COL13A1: variants seen among roughly 807,000 people sequenced by gnomAD.
The protein encoded by COL13A1 is collagen type XIII alpha 1 chain.
COL13A1 carries 89 observed loss-of-function variants against 130.9 expected under a neutral mutation model. That is an observed-to-expected ratio of 0.68 (90% confidence interval 0.57 to 0.81). The LOEUF is 0.81. Ranked by LOEUF, COL13A1 falls within the 30% of genes least tolerant of loss-of-function variation. The pLI is 0.00. For missense variants in COL13A1, 879 were observed against 934.6 expected (o/e 0.94, Z 0.78); for synonymous variants, 402 against 341.6 (o/e 1.18, Z -1.95).
At chr10:69,885,148 G>C (rs2060485825) in intron 7 of COL13A1, among the ~76,000 whole-genome samples, 2 of 152,272 alleles carry the variant, frequency 1.3e-5, no homozygotes, top group East Asian at 1.9e-4. Context: ...ACTGGGGAAG[G>C]CCCTTTTAAA....
intron 24 of COL13A1, among the ~76,000 whole-genome samples, chr10:69,924,381 C>T (rs2065071439): frequency 6.6e-6 from 1 of 152,108 alleles, no homozygotes; most frequent in East Asian, 1.9e-4. Context: ...ACTGCTTTTT[C>T]ATTTATTCTC....
At chr10:69,956,763 C>A in intron 39 of COL13A1, 1 of 494,376 alleles carries the variant, frequency 2.0e-6, no homozygotes, top group Non-Finnish European at 3.7e-6. Flanking sequence ...CGGGCTAGGA[C>A]AGCCCCTATT....
At chr10:69,936,536 T>G (rs2066944558) in intron 32 of COL13A1, among the ~76,000 whole-genome samples, 1 of 152,146 alleles carries the variant, frequency 6.6e-6, no homozygotes, top group Non-Finnish European at 1.5e-5. Flanking sequence ...CACAGAGAGA[T>G]TTTCTGTGAG....
At chr10:69,901,382 C>A (rs1032995508) in intron 14 of COL13A1, among the ~76,000 whole-genome samples, 1 of 152,220 alleles carries the variant, frequency 6.6e-6, no homozygotes, top group Non-Finnish European at 1.5e-5. Context: ...TTGCTGAAAG[C>A]TTACATTTCT....
intron 2 of COL13A1, among the ~76,000 whole-genome samples, chr10:69,853,022 G>A (rs896146055): frequency 6.6e-6 from 1 of 152,170 alleles, no homozygotes; most frequent in African/African-American, 2.4e-5. Context: ...GGGAGCGGGG[G>A]GAGGTATGGG....
chr10:69,953,138 T>G (rs537520569), intron 39 of COL13A1, among the ~76,000 whole-genome samples, 170 bp downstream of exon 39: 10 of 152,368 alleles, frequency 6.6e-5, no homozygotes, highest in African/African-American at 1.9e-4. Context: ...TGGATTTGCT[T>G]TGTAACCACA....
At chr10:69,879,364 A>G (rs2059913180) in intron 6 of COL13A1, 1 of 152,244 alleles carries the variant, frequency 6.6e-6, no homozygotes, top group African/African-American at 2.4e-5. Context: ...ACATCTTCAC[A>G]TCCACCCTAT....
chr10:69,864,017 C>G (rs1474344498), intron 2 of COL13A1, among the ~76,000 whole-genome samples: 1 of 151,714 alleles, frequency 6.6e-6, no homozygotes, highest in East Asian at 1.9e-4. Context: ...TGTAGTGAGC[C>G]GTGATTGCAC....
At chr10:69,831,528 C>A (rs1011033737) in intron 2 of COL13A1, among the ~76,000 whole-genome samples, 4 of 152,204 alleles carry the variant, frequency 2.6e-5, no homozygotes, top group African/African-American at 9.6e-5. Context: ...TACAGCCCTG[C>A]AAGCTTCTCA....
In COL13A1 at chr10:69,884,623, GAGA is replaced by G. The variant is rs545240941; in HGVS notation, c.514-2829_514-2827del. Among the ~76,000 whole-genome samples, 13 of 152,324 alleles carry G rather than the reference GAGA, an allele frequency of 8.5e-5. No individual in the cohort carries two copies. In the South Asian group the frequency reaches 2.7e-3, roughly 32 times the overall value. On this transcript the variant is annotated intron_variant, in intron 7 of 40. Transcript: ENST00000645393. ...TTTTCACTCTGACCTTGAATTAAGGGAGAAGATTTCAGAGATCAATGTAAAGCT... is the reference window on the plus strand; with the variant it reads ...TTTTCACTCTGACCTTGAATTAAGGGAGATTTCAGAGATCAATGTAAAGCT...
rs141797660 is a variant in COL13A1, at chr10:69,845,151, G to A, written c.365-22647G>A. Among the ~76,000 whole-genome samples, 15 of 151,748 alleles carry A rather than the reference G, an allele frequency of 9.9e-5. No homozygotes were observed. The East Asian group carries it at 2.7e-3, about 28-fold the overall frequency. On this transcript the variant is annotated intron_variant, in intron 2 of 40. Transcript: ENST00000645393. ...AGACTTCACTGTGCTTTCTTGCTGA[G>A]CCTCATCCTCTTTTCTTTTCTCTTT... is the stretch of plus-strand genomic sequence containing the variant.
At chr10:69,939,687 C>T (rs2067375684) in intron 34 of COL13A1, among the ~76,000 whole-genome samples, 2 of 152,230 alleles carry the variant, frequency 1.3e-5, no homozygotes, top group Admixed American at 1.3e-4. Context: ...CTCACCATCA[C>T]CCCGGGCTTC....
intron 39 of COL13A1, chr10:69,955,782 C>G (rs903937194): frequency 6.6e-6 from 1 of 152,196 alleles, no homozygotes; most frequent in African/African-American, 2.4e-5. Context: ...CCATAACATC[C>G]CATATCAATG....
At chr10:69,839,182 G>A (rs61849202) in intron 2 of COL13A1, among the ~76,000 whole-genome samples, 22,291 of 151,876 alleles carry the variant, frequency 0.15, 1,673 homozygotes, top group South Asian at 0.16. Context: ...TCATTCATTC[G>A]TTCGTTCGTT....
chr10:69,810,347 T>TGAGAGAGAGAGAGAGAGAGA (rs55816117), intron 1 of COL13A1, among the ~76,000 whole-genome samples: 18 of 119,764 alleles, frequency 1.5e-4, no homozygotes, highest in Middle Eastern at 4.2e-3. Context: ...GCCCTGAGAA[T>TGAGAGAGAGAGAGAGAGAGA]GAGAGAGAGA....
intron 1 of COL13A1, among the ~76,000 whole-genome samples, chr10:69,803,079 CCGCGCCCGCGCAGCGGCAAG>C (rs1254457370): frequency 1.3e-5 from 2 of 152,184 alleles, no homozygotes; most frequent in African/African-American, 4.8e-5. Context: ...GACAGCCGCC[CCGCGCCCGCGCAGCGGCAAG>C]CGCGCCCAGA....
chr10:69,936,170 AAGG>A (rs2066884094), intron 32 of COL13A1, among the ~76,000 whole-genome samples: 1 of 6,750 alleles, frequency 1.5e-4, no homozygotes, highest in East Asian at 8.6e-3. Context: ...GGAAGGAAGG[AAGG>A]AAGGAAAGGA....
chr10:69,931,726 G>C (rs1436024532), intron 30 of COL13A1, among the ~76,000 whole-genome samples: 4 of 152,312 alleles, frequency 2.6e-5, no homozygotes, highest in South Asian at 2.1e-4. Flanking sequence ...GCCTCCCCGA[G>C]TTGACCCCTC....
In COL13A1 at chr10:69,944,933, T is replaced by C. The variant is rs559192194; in HGVS notation, c.1969-738T>C. 9.2e-5 allele frequency among the ~76,000 whole-genome samples: 14 copies of C among 152,346 alleles called. No individual in the cohort carries two copies. In the South Asian group the frequency reaches 2.7e-3, roughly 29 times the overall value. On this transcript the variant is annotated intron_variant, in intron 36 of 40. Coordinates refer to ENST00000645393, the MANE Select transcript of COL13A1 (RefSeq NM_001368882.1). ...GCAGGAAGTCAGGAGGCCAGAGCCA[T>C]AGGCCAGGCTCCCACGGTCGCTGTC...
Sources: allele counts gnomAD v4.1 joint callset (sites outside exome capture counted in the v4.1 genomes callset), GRCh38; gene constraint gnomAD v4.1.1; transcripts MANE v1.5; gene names NCBI Gene and HGNC (gene_info 2026-07-23, HGNC 2026-07-21).